The following CEP104 variants were observed in gnomAD, a reference collection of about 807,000 sequenced individuals.
CEP104 encodes the protein centrosomal protein 104, also known as centrosomal protein of 104 kDa.
Under a neutral mutation model 113.3 loss-of-function variants are expected in CEP104, and 84 were observed. The observed-to-expected ratio is 0.74, with a 90% CI of 0.62 to 0.89. The LOEUF is 0.89. Ranked by LOEUF, CEP104 falls within the 40% of genes least tolerant of loss-of-function variation. CEP104 has a pLI of 0.00. For synonymous variants in CEP104, 378 were observed against 421.7 expected (o/e 0.90, Z 1.27); for missense variants, 1,053 against 1,156.6 (o/e 0.91, Z 1.30).
rs763960535 is a variant in CEP104, at chr1:3,823,492, C to T, written c.2435G>A (p.Cys812Tyr). ...GAAAACAGCCTCACTGCAACGGTAA[C>T]ACTTTCCAAACCCGTCTTTTTTGTC... ...ECDKKDGFGK[C>Y]YRCSEAVFKE... Residue 812 changes from cysteine to tyrosine, a missense_variant, in exon 19 of 22, where the codon TGT (cysteine) becomes TAT (tyrosine). By Grantham distance (194) the Cys-to-Tyr change is radical (BLOSUM62 -2). Coordinates refer to ENST00000378230, the MANE Select transcript of CEP104 (RefSeq NM_014704.4). This position sits in a 1 kb window ranked among gnomAD's most constrained non-coding sequence, Gnocchi z 4.1. The T allele has an allele frequency of 4.3e-6, 7 of 1,614,232 alleles. No homozygotes were observed. The highest frequency in any genetic ancestry group is 1.3e-5 in the African/African-American group (1 of 75,060).
At position 3,813,912 on chromosome 1, in the gene CEP104, T is replaced by C. The variant is rs1312911032; in HGVS notation, c.*1490A>G. ...TTAAAGGTTCCTGGTAGGTCTTATATCTTACTCAGTATTCTCAGTCAACCA... is the reference window on the plus strand; with the variant it reads ...TTAAAGGTTCCTGGTAGGTCTTATACCTTACTCAGTATTCTCAGTCAACCA... On this transcript the variant is annotated 3_prime_UTR_variant, in exon 22 of 22. Transcript: ENST00000378230. 2.0e-5 allele frequency: 3 copies of C among 152,036 alleles called. No individual in the cohort carries two copies. Among genetic ancestry groups the C allele is most frequent in the Non-Finnish European group, 4.4e-5 (3 of 68,012 alleles). 9.4% of individuals were successfully genotyped at this position (152,036 alleles called of 1,614,324 possible). A position where few individuals can be genotyped will look rare whatever the true frequency, so the allele number is the denominator to read the frequency against.
Position 3,836,883 on chromosome 1 carries a change from GCTTT to G in CEP104, c.1120-195_1120-192del, listed in dbSNP as rs1312855762. On this transcript the variant is annotated intron_variant, in intron 9 of 21. Transcript: ENST00000378230. ...GATGTAATTGAAAAGATTAGATGAG[GCTTT>G]CTATTACTTTCTAAACTCATTACAG... 27 of 583,102 alleles carry G rather than the reference GCTTT, an allele frequency of 4.6e-5. No individual in the cohort carries two copies. In the Admixed American group the frequency reaches 5.9e-4, roughly 13 times the overall value. The allele number at this position is 583,102 out of a possible 1,614,324, so 36.1% of individuals were successfully genotyped here. A position where few individuals can be genotyped will look rare whatever the true frequency, so the allele number is the denominator to read the frequency against.
At chr1:3,845,098 T>A in intron 5 of CEP104, 115 bp from the exon 6 acceptor site, 1 of 954,012 alleles carries the variant, frequency 1.0e-6, no homozygotes, top group Non-Finnish European at 1.7e-6. Context: ...GATCCTCATC[T>A]TTTGGAGAGA....
intron 1 of CEP104, 142 bp downstream of exon 1, chr1:3,856,747 C>G (rs1046238085): frequency 1.3e-5 from 2 of 152,162 alleles, no homozygotes; most frequent in Non-Finnish European, 2.9e-5. Flanking sequence ...TAACTCCACA[C>G]CGTCCGCGCT....
At position 3,826,622 on chromosome 1, in the gene CEP104, C is replaced by T. The variant is rs114208229; in HGVS notation, c.2188+86G>A. 0.022 allele frequency: 33,427 copies of T among 1,494,886 alleles called. 729 individuals are homozygous for T. The highest frequency in any genetic ancestry group is 0.12 in the East Asian group (5,120 of 44,192). The allele number at this position is 1,494,886 out of a possible 1,614,324, so 92.6% of individuals were successfully genotyped here. On this transcript the variant is annotated intron_variant, in intron 16 of 21. Transcript: ENST00000378230. The stretch of plus-strand genomic sequence containing the variant: ...ACTTGCTGAATGGACAGAAGCCGTT[C>T]CCACATGGAGCTTCCATGACATGCA...
At chr1:3,826,639 T>A in intron 16 of CEP104, 69 bp downstream of exon 16, 1 of 1,557,740 alleles carries the variant, frequency 6.4e-7, no homozygotes, top group Non-Finnish European at 8.9e-7. Flanking sequence ...GGAGCTTCCA[T>A]GACATGCATT....
At position 3,839,678 on chromosome 1, in the gene CEP104, C is replaced by T. The variant is rs150150041; in HGVS notation, c.665G>A (p.Arg222Gln). Reference sequence around the variant, plus strand: ...ATAGCGTTCCTTTTGGACAGCTTCCCGTTTTCTTTCATCTAATTTTCGTAT... The same window carrying T: ...ATAGCGTTCCTTTTGGACAGCTTCCTGTTTTCTTTCATCTAATTTTCGTAT... The part of the protein sequence containing the change: ...QIIRKLDERK[R>Q]EAVQKERYDY... The change falls in exon 7 of 22, where the codon CGG (arginine) becomes CAG (glutamine). Residue 222 changes from arginine to glutamine, a missense_variant. Coordinates refer to ENST00000378230, the MANE Select transcript of CEP104 (RefSeq NM_014704.4). The T allele has an allele frequency of 4.2e-5, 67 of 1,614,052 alleles. No individual in the cohort carries two copies. The African/African-American group carries it at 7.5e-4, about 18-fold the overall frequency.
intron 5 of CEP104, 152 bp downstream of exon 5, chr1:3,845,137 T>C: frequency 1.2e-6 from 1 of 810,186 alleles, no homozygotes; most frequent in African/African-American, 1.7e-5. Context: ...AAAAGTTTCA[T>C]ATGCTACAGC....
chr1:3,830,528 C>A (rs988687479), intron 13 of CEP104, among the ~76,000 whole-genome samples: 2 of 152,272 alleles, frequency 1.3e-5, no homozygotes, highest in African/African-American at 4.8e-5. Flanking sequence ...AATCCCAGCA[C>A]TTTGGGAGGC....
chr1:3,824,883 T>G (rs1570778797), intron 18 of CEP104, among the ~76,000 whole-genome samples: 1 of 81,684 alleles, frequency 1.2e-5, no homozygotes, highest in African/African-American at 5.0e-5. Context: ...AGGGCGGCAG[T>G]GGCACCGTGG....
At chr1:3,827,202 A>G (rs1644108868) in intron 15 of CEP104, among the ~76,000 whole-genome samples, 1 of 152,136 alleles carries the variant, frequency 6.6e-6, no homozygotes. Flanking sequence ...CTGCCCCTAA[A>G]AAGAGCACAA....
At chr1:3,850,504 G>A (rs1448973314) in intron 2 of CEP104, among the ~76,000 whole-genome samples, 3 of 152,150 alleles carry the variant, frequency 2.0e-5, no homozygotes, top group African/African-American at 7.2e-5. Context: ...TCACATGAAC[G>A]GCACTGGGGG....
At chr1:3,848,025 C>T (rs192430205) in intron 3 of CEP104, among the ~76,000 whole-genome samples, 34 of 152,168 alleles carry the variant, frequency 2.2e-4, no homozygotes, top group East Asian at 1.4e-3. Context: ...AGTAGAGACA[C>T]GGTTTCACCA....
chr1:3,836,463 AC>A (rs756209387), intron 10 of CEP104, 31 bp downstream of exon 10: 4 of 1,441,376 alleles, frequency 2.8e-6, no homozygotes, highest in Non-Finnish European at 3.7e-6. Flanking sequence ...CCCCTCTGCC[AC>A]CCCGTTTTTT....
At chr1:3,831,409 G>T (rs1475295377) in intron 12 of CEP104, among the ~76,000 whole-genome samples, 187 bp from the exon 13 acceptor site, 14 of 152,198 alleles carry the variant, frequency 9.2e-5, no homozygotes. Flanking sequence ...ACAACCATTA[G>T]AAATGAAAAT....
intron 1 of CEP104, 62 bp from the exon 2 acceptor site, chr1:3,852,483 T>A: frequency 6.7e-7 from 1 of 1,488,496 alleles, no homozygotes; most frequent in Non-Finnish European, 9.1e-7. Context: ...CATGGACATT[T>A]AAAGGGTTGG....
chr1:3,816,739 G>A (rs543699881), intron 20 of CEP104, among the ~76,000 whole-genome samples: 3 of 152,362 alleles, frequency 2.0e-5, no homozygotes, highest in East Asian at 3.9e-4. Flanking sequence ...GACAGAACGC[G>A]CCAGGCACCG....
At chr1:3,832,180 C>A (rs996478590) in intron 12 of CEP104, among the ~76,000 whole-genome samples, 6 of 152,182 alleles carry the variant, frequency 3.9e-5, no homozygotes, top group Non-Finnish European at 8.8e-5. Flanking sequence ...AAAGATGAAC[C>A]CTCCTCACCC....
intron 1 of CEP104, among the ~76,000 whole-genome samples, chr1:3,855,332 C>A (rs1644694939): frequency 1.4e-5 from 2 of 147,994 alleles, no homozygotes; most frequent in African/African-American, 2.5e-5. Flanking sequence ...CAGGCACATG[C>A]CACCATGCAC....
Sources: allele counts gnomAD v4.1 joint callset (sites outside exome capture counted in the v4.1 genomes callset), GRCh38; gene constraint gnomAD v4.1.1; non-coding constraint Gnocchi (gnomAD v3.1); transcripts MANE v1.5; gene names NCBI Gene and HGNC (gene_info 2026-07-23, HGNC 2026-07-21).